NRXN3: variants seen among roughly 807,000 people sequenced by gnomAD.
NRXN3 encodes neurexin 3.
In NRXN3, 32 loss-of-function variants were observed where a neutral mutation model predicts 137.6. The observed-to-expected ratio is 0.23, with a 90% CI of 0.18 to 0.31. The LOEUF is 0.31. Among genes scored for constraint, NRXN3 ranks in the 10% least tolerant of loss-of-function variants. NRXN3 has a pLI of 1.00. For synonymous variants in NRXN3, 798 were observed against 784.5 expected (o/e 1.02, Z -0.29); for missense variants, 1,574 against 2,062.5 (o/e 0.76, Z 4.59).
At chr14:79,494,713 TTA>T (rs1002476254) in intron 16 of NRXN3, among the ~76,000 whole-genome samples, 2 of 152,200 alleles carry the variant, frequency 1.3e-5, no homozygotes, top group African/African-American at 4.8e-5. Flanking sequence ...GTTGTAAAGA[TTA>T]TATAGTTTCT....
intron 4 of NRXN3, among the ~76,000 whole-genome samples, chr14:78,510,479 A>G (rs1038148256): frequency 2.4e-4 from 36 of 152,302 alleles, no homozygotes; most frequent in African/African-American, 8.4e-4. Flanking sequence ...ACATCCACAT[A>G]TCTCAAAGGA....
At chr14:78,182,356 TGAG>T (rs2059887114) in intron 1 of NRXN3, among the ~76,000 whole-genome samples, 1 of 151,956 alleles carries the variant, frequency 6.6e-6, no homozygotes, top group Non-Finnish European at 1.5e-5. Flanking sequence ...ATGTTTTTGC[TGAG>T]AACTGAAGGA....
At chr14:79,857,217 TTTTG>T (rs71895899) in intron 20 of NRXN3, among the ~76,000 whole-genome samples, 59,701 of 151,436 alleles carry the variant, frequency 0.39, 12,037 homozygotes, top group East Asian at 0.56. Flanking sequence ...CAAACTACTT[TTTTG>T]TTTGTTTGTT....
At chr14:79,202,390 T>G (rs1490015597) in intron 15 of NRXN3, among the ~76,000 whole-genome samples, 1 of 152,098 alleles carries the variant, frequency 6.6e-6, no homozygotes, top group Admixed American at 6.6e-5. Context: ...TAAGATTATT[T>G]TTTTCTGTAA....
intron 4 of NRXN3, among the ~76,000 whole-genome samples, chr14:78,378,986 C>A (rs1297928410): frequency 6.6e-6 from 1 of 151,738 alleles, no homozygotes; most frequent in Non-Finnish European, 1.5e-5. Context: ...AAGAATACTG[C>A]AAAGCAACCC....
chr14:78,279,687 A>G (rs993694920), intron 3 of NRXN3: 3 of 152,202 alleles, frequency 2.0e-5, no homozygotes, highest in Non-Finnish European at 4.4e-5. Context: ...CTGACTCTCC[A>G]TTGGAACATG....
intron 4 of NRXN3, among the ~76,000 whole-genome samples, chr14:78,311,049 A>G (rs1047275841): frequency 6.6e-6 from 1 of 152,172 alleles, no homozygotes; most frequent in South Asian, 2.1e-4. Context: ...CTTTTTGACT[A>G]TCTGTGTTTT....
intron 19 of NRXN3, among the ~76,000 whole-genome samples, chr14:79,708,955 C>T (rs936077134): frequency 3.3e-5 from 5 of 151,906 alleles, no homozygotes; most frequent in Admixed American, 6.6e-5. Context: ...ATATCTCTGG[C>T]CCCATCTTAT....
At position 78,523,173 on chromosome 14, in the gene NRXN3, G is replaced by A. The variant is rs1057343083; in HGVS notation, c.758-121947G>A. ...TGCCCTTGTTTTCCAGATTATCTCT[G>A]GAGTGCTCTGAGGGATCAGTTGGTT... is the stretch of plus-strand genomic sequence containing the variant. On this transcript the variant is annotated intron_variant, in intron 4 of 20. Transcript: ENST00000335750. 2.3e-4 allele frequency among the ~76,000 whole-genome samples: 35 copies of A among 152,116 alleles called. 1 individual carries two copies. The highest frequency in any genetic ancestry group is 1.5e-5 in the Non-Finnish European group (1 of 68,026).
intron 4 of NRXN3, among the ~76,000 whole-genome samples, chr14:78,438,007 G>A (rs375815989): frequency 6.6e-6 from 1 of 152,088 alleles, no homozygotes; most frequent in African/African-American, 2.4e-5. Context: ...AGAACGTCCT[G>A]GGGGTAGATG....
chr14:79,308,747 A>G (rs1363959726), intron 15 of NRXN3, among the ~76,000 whole-genome samples: 2 of 151,798 alleles, frequency 1.3e-5, no homozygotes, highest in Non-Finnish European at 2.9e-5. Flanking sequence ...ATAGAAACTA[A>G]TATCACTAAG....
At chr14:79,320,214 C>T (rs2089730781) in intron 15 of NRXN3, among the ~76,000 whole-genome samples, 1 of 152,178 alleles carries the variant, frequency 6.6e-6, no homozygotes. Flanking sequence ...CTATGAAATG[C>T]TATTCATAAA....
chr14:78,413,446 C>T (rs1315014359), intron 4 of NRXN3, among the ~76,000 whole-genome samples: 8 of 152,182 alleles, frequency 5.3e-5, no homozygotes, highest in South Asian at 2.1e-4. Flanking sequence ...CCACCACGCC[C>T]GGCTAATTTT....
chr14:78,728,015 C>T (rs2098494527), intron 8 of NRXN3, among the ~76,000 whole-genome samples: 1 of 152,154 alleles, frequency 6.6e-6, no homozygotes, highest in Non-Finnish European at 1.5e-5. Context: ...AACTGAGATT[C>T]AAAGTGATTA....
Position 79,769,802 on chromosome 14 carries a change from T to C in NRXN3, c.4015-35310T>C, listed in dbSNP as rs1443909937. Among the ~76,000 whole-genome samples the C allele has an allele frequency of 3.3e-5, 5 of 152,066 alleles. No homozygotes were observed. In the East Asian group the frequency reaches 9.7e-4, roughly 29 times the overall value. On this transcript the variant is annotated intron_variant, in intron 19 of 20. Coordinates refer to ENST00000335750, the MANE Select transcript of NRXN3 (RefSeq NM_001330195.2). ...TAACTTTAAATGTAAATGGATTAAA[T>C]TCTCCAATTAAAAGACACAGACTGG...
intron 6 of NRXN3, among the ~76,000 whole-genome samples, chr14:78,671,027 A>T (rs924006883): frequency 2.6e-5 from 4 of 152,238 alleles, no homozygotes; most frequent in African/African-American, 9.6e-5. Flanking sequence ...TTAAGAAACC[A>T]CATCAAAAGG....
chr14:78,598,198 G>A (rs2097173425), intron 4 of NRXN3, among the ~76,000 whole-genome samples: 1 of 152,200 alleles, frequency 6.6e-6, no homozygotes, highest in Non-Finnish European at 1.5e-5. Context: ...CAGAGCCAGA[G>A]GCGTGGATGT....
At chr14:79,351,361 A>G (rs150728140) in intron 15 of NRXN3, among the ~76,000 whole-genome samples, 149 of 152,316 alleles carry the variant, frequency 9.8e-4, no homozygotes, top group African/African-American at 3.3e-3. Flanking sequence ...TTTATCATCT[A>G]TAAATGCCAG....
chr14:78,908,343 T>C (rs931423215), intron 10 of NRXN3, among the ~76,000 whole-genome samples: 1 of 152,050 alleles, frequency 6.6e-6, no homozygotes, highest in Non-Finnish European at 1.5e-5. Context: ...TAGTAGTCAG[T>C]CATGATACTT....
Sources: allele counts gnomAD v4.1 joint callset (sites outside exome capture counted in the v4.1 genomes callset), GRCh38; gene constraint gnomAD v4.1.1; transcripts MANE v1.5; gene names NCBI Gene and HGNC (gene_info 2026-07-23, HGNC 2026-07-21).